CREBBP: variants seen among roughly 807,000 people sequenced by gnomAD.
CREBBP encodes CREB-binding protein.
In CREBBP, 19 loss-of-function variants were observed where a neutral mutation model predicts 265.0. The observed-to-expected ratio is 0.07, with a 90% CI of 0.05 to 0.11. CREBBP has a LOEUF of 0.11. Among genes scored for constraint, CREBBP ranks in the 10% least tolerant of loss-of-function variants. The probability of loss-of-function intolerance (pLI) is 1.00; values close to 1 mark genes in which losing one functional copy is unlikely to be tolerated. For synonymous variants in CREBBP, 1,457 were observed against 1,223.7 expected (o/e 1.19, Z -3.98); for missense variants, 2,525 against 3,219.0 (o/e 0.78, Z 5.22).
Position 3,850,405 on chromosome 16 carries a change from G to A in CREBBP, c.690C>T (p.Ala230=). The A allele has an allele frequency of 1.9e-6, 3 of 1,614,226 alleles. No homozygotes were observed. The highest frequency in any genetic ancestry group is 2.5e-6 in the Non-Finnish European group (3 of 1,180,040). ...GCACGCTGCTCGAGGCGCCCTGCAT[G>A]GCTGGAGTAGGGTACGGCATTCCAG... The part of the protein sequence containing the change: ...RGAGMPYPTP[A]MQGASSSVLA... The change falls in exon 2 of 31, where the codon GCC becomes GCT. Residue 230 remains alanine, a synonymous_variant. Transcript: ENST00000262367.
intron 16 of CREBBP, among the ~76,000 whole-genome samples, chr16:3,763,432 G>A (rs1014696209): frequency 6.6e-6 from 1 of 151,794 alleles, no homozygotes; most frequent in African/African-American, 2.4e-5. Flanking sequence ...AAGTGCTGGA[G>A]TTGCAGGTGT....
chr16:3,758,991 G>A lies in CREBBP; in HGVS notation c.3251-19C>T, dbSNP rs771685478. 9.6e-6 allele frequency: 15 copies of A among 1,568,668 alleles called. No homozygotes were observed. The Admixed American group carries it at 2.5e-4, about 26-fold the overall frequency. On this transcript the variant is annotated intron_variant, in intron 16 of 30. Transcript: ENST00000262367. ...TTAAAGACTGCAGAGAAAACATCAA[G>A]AAAAGACACTTTGTAAAAGGTGCTC...
chr16:3,835,359 A>T (rs1458085486), intron 2 of CREBBP, among the ~76,000 whole-genome samples: 1 of 152,024 alleles, frequency 6.6e-6, no homozygotes, highest in Non-Finnish European at 1.5e-5. Context: ...AACAATCCTT[A>T]AAAAATATAA....
intron 2 of CREBBP, among the ~76,000 whole-genome samples, chr16:3,819,234 G>A (rs972989254): frequency 9.2e-5 from 14 of 152,338 alleles, no homozygotes; most frequent in South Asian, 2.1e-4. Context: ...TCTGAATGGC[G>A]ACTCCACCAC....
In CREBBP at chr16:3,876,399, C is replaced by CAAAAAAAAA. The variant is rs71133663; in HGVS notation, c.85+3424_85+3432dup. Among the ~76,000 whole-genome samples, 13 of 18,164 alleles carry CAAAAAAAAA rather than the reference C, an allele frequency of 7.2e-4. 1 individual carries two copies. Among genetic ancestry groups the CAAAAAAAAA allele is most frequent in the African/African-American group, 2.4e-3 (13 of 5,466 alleles). The allele number at this position is 18,164 out of a possible 152,430, so 11.9% of individuals were successfully genotyped here. A position where few individuals can be genotyped will look rare whatever the true frequency, so the allele number is the denominator to read the frequency against. ...GTGCAAATTTTGCAATAAAGCTGAC[C>CAAAAAAAAA]AAAAAAAAAAAAAAAAAAAAAAAAA... On this transcript the variant is annotated intron_variant, in intron 1 of 30. Transcript: ENST00000262367.
chr16:3,753,919 G>T (rs2052531005), intron 19 of CREBBP, among the ~76,000 whole-genome samples: 1 of 152,136 alleles, frequency 6.6e-6, no homozygotes, highest in African/African-American at 2.4e-5. Flanking sequence ...AAATCCTGGA[G>T]AAATCCTTTG....
chr16:3,865,552 A>G (rs1273527799), intron 1 of CREBBP, among the ~76,000 whole-genome samples: 1 of 152,164 alleles, frequency 6.6e-6, no homozygotes, highest in Non-Finnish European at 1.5e-5. Flanking sequence ...GGGAGGAGCT[A>G]GGTGGAGGGA....
rs114404478 is a variant in CREBBP at position 3,832,878 on chromosome 16, G to A, written c.798+17419C>T. 3.4e-3 allele frequency among the ~76,000 whole-genome samples: 518 copies of A among 151,374 alleles called. 8 individuals carry two copies. Among genetic ancestry groups the A allele is most frequent in the African/African-American group, 0.012 (489 of 41,174 alleles). ...AGGCTGGTTCAACACTCAGAAAGAC[G>A]TAATTCACATTCAAAGAAAAAAAAA... On this transcript the variant is annotated intron_variant, in intron 2 of 30. Transcript: ENST00000262367.
At chr16:3,804,606 A>C (rs2053791952) in intron 3 of CREBBP, among the ~76,000 whole-genome samples, 1 of 152,186 alleles carries the variant, frequency 6.6e-6, no homozygotes, top group African/African-American at 2.4e-5. Flanking sequence ...CTGTTTACTG[A>C]GTTGTTGCTT....
rs1292987344 is a variant in CREBBP at position 3,774,448 on chromosome 16, A to C, written c.2283+121T>G. ...AAATGAGAGATGAAAGAAATAAAGC[A>C]TAACCCAAATTCAAAGGAACAAGAA... On this transcript the variant is annotated intron_variant, in intron 12 of 30. Transcript: ENST00000262367. 18 of 1,353,604 alleles carry C rather than the reference A, an allele frequency of 1.3e-5. No individual in the cohort carries two copies. In the South Asian group the frequency reaches 2.1e-4, roughly 16 times the overall value. 83.8% of individuals were successfully genotyped at this position (1,353,604 alleles called of 1,614,324 possible).
chr16:3,787,685 A>C (rs1316807418), intron 5 of CREBBP, among the ~76,000 whole-genome samples: 1 of 151,528 alleles, frequency 6.6e-6, no homozygotes, highest in African/African-American at 2.4e-5. Context: ...TTTGAGACGT[A>C]GTCTTGCTCT....
intron 23 of CREBBP, 57 bp from the exon 24 acceptor site, chr16:3,740,606 AC>A: frequency 1.2e-6 from 2 of 1,601,006 alleles, no homozygotes; most frequent in Non-Finnish European, 1.7e-6. Context: ...TGAGACAGTG[AC>A]TGAGACTAGA....
intron 1 of CREBBP, among the ~76,000 whole-genome samples, chr16:3,870,125 C>G (rs62039111): frequency 1.3e-5 from 2 of 151,774 alleles, no homozygotes; most frequent in East Asian, 1.9e-4. Flanking sequence ...TTGTCCACCA[C>G]GGGGTAACTT....
chr16:3,831,631 C>A (rs2054344011), intron 2 of CREBBP, among the ~76,000 whole-genome samples: 1 of 151,736 alleles, frequency 6.6e-6, no homozygotes, highest in African/African-American at 2.4e-5. Context: ...ATGGACAAAC[C>A]CCAACCTAGA....
chr16:3,847,315 A>C (rs1316014297), intron 2 of CREBBP, among the ~76,000 whole-genome samples: 1 of 152,180 alleles, frequency 6.6e-6, no homozygotes, highest in Non-Finnish European at 1.5e-5. Context: ...CTTCCTGTGT[A>C]ATCGTTCTTA....
chr16:3,799,434 A>G (rs1029132868), intron 3 of CREBBP, among the ~76,000 whole-genome samples: 2 of 152,218 alleles, frequency 1.3e-5, no homozygotes, highest in Non-Finnish European at 2.9e-5. Flanking sequence ...GCTAATTGGT[A>G]TTGATGAGGA....
At chr16:3,736,331 C>A (rs1380944385) in intron 27 of CREBBP, 128 bp from the exon 28 acceptor site, 6 of 1,001,586 alleles carry the variant, frequency 6.0e-6, no homozygotes, top group Non-Finnish European at 9.3e-6. Context: ...GTGTGCCCCC[C>A]CACCACAGTG....
intron 1 of CREBBP, among the ~76,000 whole-genome samples, chr16:3,860,862 A>G (rs949738049): frequency 5.9e-5 from 9 of 151,816 alleles, no homozygotes; most frequent in African/African-American, 2.2e-4. Flanking sequence ...CTAATTAGAC[A>G]CTACGGACAC....
At chr16:3,824,351 C>T (rs1291789234) in intron 2 of CREBBP, among the ~76,000 whole-genome samples, 1 of 152,270 alleles carries the variant, frequency 6.6e-6, no homozygotes, top group Non-Finnish European at 1.5e-5. Context: ...GTTTCAAAGT[C>T]TATCTCTAAT....
Sources: allele counts gnomAD v4.1 joint callset (sites outside exome capture counted in the v4.1 genomes callset), GRCh38; gene constraint gnomAD v4.1.1; transcripts MANE v1.5; gene names NCBI Gene and HGNC (gene_info 2026-07-23, HGNC 2026-07-21).